VEPH1: variants seen among roughly 807,000 people sequenced by gnomAD.
VEPH1 encodes the protein ventricular zone expressed PH domain containing 1.
In VEPH1, 80 loss-of-function variants were observed where a neutral mutation model predicts 85.2. That is an observed-to-expected ratio of 0.94 (90% CI 0.78 to 1.13). The LOEUF is 1.13. VEPH1 is among the 50% of genes most tolerant of loss of function. The probability of loss-of-function intolerance (pLI) is 0.00; values close to 1 mark genes in which losing one functional copy is unlikely to be tolerated. For missense variants in VEPH1, 955 were observed against 980.5 expected (o/e 0.97, Z 0.35); for synonymous variants, 297 against 348.0 (o/e 0.85, Z 1.63).
rs184691725 is a variant in VEPH1 at position 157,303,060 on chromosome 3, G to T, written c.2010+10561C>A. On this transcript the variant is annotated intron_variant, in intron 11 of 13. Transcript: ENST00000362010. ...GTAAATAAATGTGCACATATTGAAG[G>T]TACTTGCTCAAAAAAATTTTTTGAT... is the stretch of plus-strand genomic sequence containing the variant. 4.5e-3 allele frequency among the ~76,000 whole-genome samples: 685 copies of T among 152,258 alleles called. 10 individuals carry two copies. The highest frequency in any genetic ancestry group is 0.016 in the African/African-American group (648 of 41,534).
At chr3:157,264,765 A>C (rs1013537447) in intron 13 of VEPH1, among the ~76,000 whole-genome samples, 1 of 152,140 alleles carries the variant, frequency 6.6e-6, no homozygotes, top group Non-Finnish European at 1.5e-5. Flanking sequence ...CACTGAAAAA[A>C]TGCTAGTCAT....
intron 12 of VEPH1, among the ~76,000 whole-genome samples, chr3:157,281,104 G>A (rs570619308): frequency 1.4e-5 from 2 of 147,138 alleles, no homozygotes; most frequent in South Asian, 4.3e-4. Flanking sequence ...GTGTGTGTGA[G>A]AGAGAGAGAG....
At chr3:157,486,328 T>C (rs898781001) in intron 2 of VEPH1, among the ~76,000 whole-genome samples, 6 of 152,040 alleles carry the variant, frequency 3.9e-5, no homozygotes, top group Admixed American at 6.6e-5. Flanking sequence ...AAACCCCGTC[T>C]ATACTGAAAA....
intron 4 of VEPH1, among the ~76,000 whole-genome samples, chr3:157,454,957 G>A (rs1735251263): frequency 6.6e-6 from 1 of 152,184 alleles, no homozygotes; most frequent in African/African-American, 2.4e-5. Context: ...ATTCCTTGGT[G>A]TATATGTACC....
At chr3:157,395,935 T>C (rs1730337399) in intron 6 of VEPH1, among the ~76,000 whole-genome samples, 1 of 152,204 alleles carries the variant, frequency 6.6e-6, no homozygotes, top group Admixed American at 6.5e-5. Context: ...CTTTTAAATT[T>C]AATTGTATTT....
intron 4 of VEPH1, chr3:157,459,779 C>T (rs539267368): frequency 1.4e-6 from 2 of 1,470,338 alleles, no homozygotes; most frequent in South Asian, 2.7e-5. Context: ...TTTTATCTAA[C>T]AAAAGACATT....
chr3:157,339,387 C>T (rs184833558), intron 9 of VEPH1, among the ~76,000 whole-genome samples: 1 of 152,300 alleles, frequency 6.6e-6, no homozygotes, highest in East Asian at 1.9e-4. Flanking sequence ...CAGGGGTTGG[C>T]CCTGGCCAGA....
At chr3:157,326,715 G>A (rs1341856215) in intron 9 of VEPH1, among the ~76,000 whole-genome samples, 1 of 152,214 alleles carries the variant, frequency 6.6e-6, no homozygotes, top group African/African-American at 2.4e-5. Flanking sequence ...AGTGGGTCCT[G>A]ACTTCCCTCA....
At chr3:157,436,764 G>A (rs2109180894) in intron 4 of VEPH1, 1 of 272,088 alleles carries the variant, frequency 3.7e-6, no homozygotes, top group Non-Finnish European at 6.8e-6. Flanking sequence ...GGGAACTCCC[G>A]TTACCGCAGT....
chr3:157,496,863 T>C (rs1018598146), intron 1 of VEPH1, among the ~76,000 whole-genome samples: 3 of 152,210 alleles, frequency 2.0e-5, no homozygotes, highest in African/African-American at 4.8e-5. Flanking sequence ...GAAAATACTC[T>C]CTATATGCAA....
intron 7 of VEPH1, among the ~76,000 whole-genome samples, chr3:157,376,012 C>T (rs112531464): frequency 3.9e-5 from 6 of 152,336 alleles, no homozygotes; most frequent in African/African-American, 1.4e-4. Context: ...CAGGCTGGAT[C>T]TGAGGGAACT....
intron 7 of VEPH1, among the ~76,000 whole-genome samples, chr3:157,369,179 TG>T (rs1355465827): frequency 3.3e-4 from 5 of 15,062 alleles, no homozygotes; most frequent in South Asian, 2.9e-3. Flanking sequence ...AAAAACCAAA[TG>T]AAAAAAAAAA....
At chr3:157,275,314 C>T (rs911252457) in intron 12 of VEPH1, among the ~76,000 whole-genome samples, 9 of 152,028 alleles carry the variant, frequency 5.9e-5, no homozygotes, top group African/African-American at 2.2e-4. Flanking sequence ...GGTGGCTCAC[C>T]CCTGTAATCG....
chr3:157,415,519 C>A (rs1357390055), intron 5 of VEPH1, among the ~76,000 whole-genome samples: 1 of 152,142 alleles, frequency 6.6e-6, no homozygotes, highest in Middle Eastern at 3.2e-3. Flanking sequence ...ATGGGTTATT[C>A]CAACAGCCTC....
chr3:157,503,025 C>T (rs955899603), intron 1 of VEPH1, among the ~76,000 whole-genome samples: 1 of 152,120 alleles, frequency 6.6e-6, no homozygotes, highest in African/African-American at 2.4e-5. Context: ...GCTTTCTGCT[C>T]CTGAGGCCTA....
At chr3:157,354,978 C>A (rs1164186486) in intron 9 of VEPH1, among the ~76,000 whole-genome samples, 1 of 152,198 alleles carries the variant, frequency 6.6e-6, no homozygotes, top group African/African-American at 2.4e-5. Flanking sequence ...TCCTCCTCCT[C>A]ACTTCACTTC....
intron 9 of VEPH1, among the ~76,000 whole-genome samples, chr3:157,351,823 T>A (rs1697069164): frequency 6.6e-6 from 1 of 152,228 alleles, no homozygotes; most frequent in Non-Finnish European, 1.5e-5. Flanking sequence ...TTGGATTAAT[T>A]CTTTGTTTTG....
chr3:157,343,029 T>C (rs1280844770), intron 9 of VEPH1, among the ~76,000 whole-genome samples: 2 of 152,196 alleles, frequency 1.3e-5, no homozygotes, highest in African/African-American at 4.8e-5. Context: ...TTTAAAGCAG[T>C]GTGCAGAGGG....
At chr3:157,467,946 C>T (rs913129917) in intron 3 of VEPH1, among the ~76,000 whole-genome samples, 11 of 152,232 alleles carry the variant, frequency 7.2e-5, no homozygotes, top group African/African-American at 2.7e-4. Context: ...TAATTCCTTA[C>T]ACCATACCCC....
Sources: gnomAD v4.1 joint callset for allele counts (sites outside exome capture counted in the v4.1 genomes callset) on GRCh38, gnomAD v4.1.1 for gene constraint, MANE v1.5 for transcripts, NCBI Gene and HGNC (gene_info 2026-07-23, HGNC 2026-07-21) for gene names.